The following TMEM178B variants were observed in gnomAD, a reference collection of about 807,000 sequenced individuals.
TMEM178B encodes transmembrane protein 178B.
A neutral mutation model predicts 31.0 loss-of-function variants in TMEM178B; 5 were observed. That is an observed-to-expected ratio of 0.16 (90% CI 0.08 to 0.34). The LOEUF is 0.34. Among genes scored for constraint, TMEM178B ranks in the 10% least tolerant of loss-of-function variants. The pLI, the probability that TMEM178B is intolerant of heterozygous loss-of-function variation, is 1.00. For synonymous variants in TMEM178B, 164 were observed against 164.0 expected, an observed-to-expected ratio of 1.00 and a Z score of 0.00; for missense variants, 275 against 400.3, an observed-to-expected ratio of 0.69 and a Z score of 2.67.
At chr7:141,237,568 G>A (rs1043785875) in intron 2 of TMEM178B, among the ~76,000 whole-genome samples, 1 of 152,112 alleles carries the variant, frequency 6.6e-6, no homozygotes, top group Non-Finnish European at 1.5e-5. Context: ...AGGGCTGCAA[G>A]GAAATAAACC....
chr7:141,253,702 C>G (rs1479598404), intron 2 of TMEM178B, among the ~76,000 whole-genome samples: 1 of 152,068 alleles, frequency 6.6e-6, no homozygotes, highest in Non-Finnish European at 1.5e-5. Context: ...AGGTGCCCAC[C>G]ACAGCGCCCG....
chr7:141,235,430 G>T (rs1405168940), intron 2 of TMEM178B, among the ~76,000 whole-genome samples: 1 of 152,164 alleles, frequency 6.6e-6, no homozygotes, highest in Non-Finnish European at 1.5e-5. Flanking sequence ...AAGCCCATGT[G>T]TAGACAGAAC....
At chr7:141,149,845 G>T (rs1795936033) in intron 1 of TMEM178B, among the ~76,000 whole-genome samples, 1 of 152,214 alleles carries the variant, frequency 6.6e-6, no homozygotes, top group Non-Finnish European at 1.5e-5. Flanking sequence ...TGTCCTTCTG[G>T]CTCTAGAACT....
chr7:141,413,998 A>G (rs1801051886), intron 2 of TMEM178B, among the ~76,000 whole-genome samples: 2 of 152,064 alleles, frequency 1.3e-5, no homozygotes, highest in Admixed American at 1.3e-4. Context: ...CATTATAATT[A>G]CGTATCCAGG....
intron 1 of TMEM178B, among the ~76,000 whole-genome samples, chr7:141,101,142 A>C (rs1795051138): frequency 6.6e-6 from 1 of 152,240 alleles, no homozygotes; most frequent in Admixed American, 6.5e-5. Flanking sequence ...CTGGAGCATT[A>C]GATAAGCCAC....
chr7:141,377,670 C>T (rs979354964), intron 2 of TMEM178B, among the ~76,000 whole-genome samples: 10 of 151,064 alleles, frequency 6.6e-5, no homozygotes, highest in Middle Eastern at 3.4e-3. Flanking sequence ...GAAACTCCAT[C>T]TTAAAAAAAG....
At chr7:141,176,992 CT>C (rs1340086370) in intron 1 of TMEM178B, among the ~76,000 whole-genome samples, 1 of 152,108 alleles carries the variant, frequency 6.6e-6, no homozygotes, top group African/African-American at 2.4e-5. Context: ...CTTCTGCTAG[CT>C]TTTGAATTTG....
intron 1 of TMEM178B, among the ~76,000 whole-genome samples, chr7:141,113,331 T>C (rs139948959): frequency 1.3e-5 from 2 of 152,108 alleles, no homozygotes; most frequent in African/African-American, 4.8e-5. Flanking sequence ...GTCCCATCAC[T>C]GTCCATCTGT....
chr7:141,484,897 T>C (rs542497715), downstream of TMEM178B, among the ~76,000 whole-genome samples: 1 of 151,980 alleles, frequency 6.6e-6, no homozygotes, highest in Admixed American at 6.6e-5. The surrounding 1 kb of genome is among the most constrained non-coding windows in gnomAD (Gnocchi z 4.8). Flanking sequence ...CACATAGGAC[T>C]TCAAAAGACA....
intron 1 of TMEM178B, among the ~76,000 whole-genome samples, chr7:141,131,066 C>G (rs550435721): frequency 6.6e-6 from 1 of 152,270 alleles, no homozygotes; most frequent in East Asian, 1.9e-4. Flanking sequence ...CTGGTAGACT[C>G]TCAGTAAATC....
chr7:141,138,908 C>T (rs560138379), intron 1 of TMEM178B, among the ~76,000 whole-genome samples: 35 of 151,780 alleles, frequency 2.3e-4, no homozygotes, highest in Admixed American at 1.8e-3. Flanking sequence ...GGTGTGAACC[C>T]GGGAGGCAGA....
At chr7:141,155,732 T>C (rs1333272069) in intron 1 of TMEM178B, among the ~76,000 whole-genome samples, 1 of 152,178 alleles carries the variant, frequency 6.6e-6, no homozygotes, top group Admixed American at 6.5e-5. Context: ...ATTCAATCTC[T>C]GCCCAGACTT....
chr7:141,396,628 C>T (rs986747581), intron 2 of TMEM178B, among the ~76,000 whole-genome samples: 1 of 152,196 alleles, frequency 6.6e-6, no homozygotes, highest in African/African-American at 2.4e-5. Context: ...ATAATATCTG[C>T]ATCTGTTCAC....
rs147625484 is a variant in TMEM178B, at chr7:141,268,474, A to T, written c.496+55770A>T. Among the ~76,000 whole-genome samples the T allele has an allele frequency of 8.2e-3, 1,249 of 152,358 alleles. 7 individuals carry two copies. Among genetic ancestry groups the T allele is most frequent in the Non-Finnish European group, 0.011 (759 of 68,034 alleles). ...TGTGAGGAAATAATTCATCTTGTTG[A>T]TGCTGTAATTGAAGAGTACCCGTGA... On this transcript the variant is annotated intron_variant, in intron 2 of 3. Coordinates refer to ENST00000565468, the MANE Select transcript of TMEM178B (RefSeq NM_001195278.2).
intron 1 of TMEM178B, among the ~76,000 whole-genome samples, chr7:141,153,597 A>T (rs2129180767): frequency 6.6e-6 from 1 of 152,362 alleles, no homozygotes; most frequent in Non-Finnish European, 1.5e-5. Flanking sequence ...GTATGATAAT[A>T]TTCATTCTTC....
chr7:141,203,876 ACG>A (rs1234435837), intron 1 of TMEM178B, among the ~76,000 whole-genome samples: 3 of 152,196 alleles, frequency 2.0e-5, no homozygotes, highest in Non-Finnish European at 4.4e-5. Context: ...GAGGAAACAC[ACG>A]GACTCTCAGA....
chr7:141,446,958 T>A (rs1479326080), intron 3 of TMEM178B, among the ~76,000 whole-genome samples: 1 of 152,154 alleles, frequency 6.6e-6, no homozygotes, highest in Non-Finnish European at 1.5e-5. Flanking sequence ...ACAAACGCAC[T>A]ACATGCCATC....
chr7:141,218,248 G>A (rs1012163410), intron 2 of TMEM178B, among the ~76,000 whole-genome samples: 8 of 152,110 alleles, frequency 5.3e-5, no homozygotes, highest in Non-Finnish European at 8.8e-5. Context: ...GGCAGAGAAC[G>A]TCAGTGCCAA....
chr7:141,314,106 A>G (rs1369183213), intron 2 of TMEM178B, among the ~76,000 whole-genome samples: 2 of 152,190 alleles, frequency 1.3e-5, no homozygotes, highest in Non-Finnish European at 2.9e-5. Flanking sequence ...TCTTTCATTT[A>G]GTTGCAACAG....
Sources: gnomAD v4.1 joint callset for allele counts (sites outside exome capture counted in the v4.1 genomes callset) on GRCh38, gnomAD v4.1.1 for gene constraint, Gnocchi (gnomAD v3.1) non-coding constraint, MANE v1.5 for transcripts, NCBI Gene and HGNC (gene_info 2026-07-23, HGNC 2026-07-21) for gene names.